The following FAT4 variants were observed in gnomAD, a reference collection of about 807,000 sequenced individuals.
The protein encoded by FAT4 is protocadherin Fat 4.
In FAT4, 84 loss-of-function variants were observed where a neutral mutation model predicts 303.9. That is an observed-to-expected ratio of 0.28 (90% CI 0.23 to 0.33). The LOEUF (loss-of-function observed/expected upper bound fraction) is 0.33, where lower values mean the gene tolerates loss of function less well. FAT4 is among the 10% of genes least tolerant of loss of function. The probability of loss-of-function intolerance (pLI) is 1.00; values close to 1 mark genes in which losing one functional copy is unlikely to be tolerated. For synonymous variants in FAT4, 2,307 were observed against 2,298.8 expected (o/e 1.00, Z -0.10); for missense variants, 6,005 against 6,146.8 (o/e 0.98, Z 0.77).
rs746534343 is a variant in FAT4, at chr4:125,317,202, T to C, written c.791T>C (p.Val264Ala). ...HYQAGVPEDAVVGSSVLQVAA... is the reference protein window; with the variant it reads ...HYQAGVPEDAAVGSSVLQVAA... The stretch of plus-strand genomic sequence containing the variant: ...CAGGCGGGGGTGCCTGAGGACGCGG[T>C]TGTGGGTTCCAGCGTCCTCCAGGTG... Residue 264 changes from valine (V) to alanine (A), a missense_variant, in exon 2 of 18, where the codon GTT becomes GCT. Transcript: ENST00000394329. The surrounding 1 kb of genome is among the most constrained non-coding windows in gnomAD (Gnocchi z 7.0). 2 of 1,592,696 alleles carry C rather than the reference T, an allele frequency of 1.3e-6. No individual in the cohort carries two copies. The highest frequency in any genetic ancestry group is 1.7e-6 in the Non-Finnish European group (2 of 1,166,944).
At chr4:125,339,520 G>T (rs530020880) in intron 2 of FAT4, among the ~76,000 whole-genome samples, 1 of 152,200 alleles carries the variant, frequency 6.6e-6, no homozygotes, top group African/African-American at 2.4e-5. Context: ...TATGGTAATA[G>T]TTATTAAACA....
rs753343008 is a variant in FAT4 at position 125,490,579 on chromosome 4, G to C, written c.13763G>C (p.Arg4588Thr). The change falls in exon 18 of 18, where the codon AGG becomes ACG. Residue 4588 changes from arginine (R) to threonine (T), a missense_variant. Arg to Thr is a moderately conservative substitution (Grantham distance 71). Transcript: ENST00000394329. ...AACCCAAAACCAGATATCATTGAAA[G>C]GGAAAACCCCTACCTTATCTATGAT... ...EGNPKPDIIE[R>T]ENPYLIYDET... 1 of 1,614,112 alleles carries C rather than the reference G, an allele frequency of 6.2e-7. No homozygotes were observed. Among genetic ancestry groups the C allele is most frequent in the South Asian group, 1.1e-5 (1 of 91,072 alleles).
chr4:125,322,054 C>T (rs1730976984), intron 2 of FAT4, among the ~76,000 whole-genome samples: 2 of 152,172 alleles, frequency 1.3e-5, no homozygotes, highest in South Asian at 4.1e-4. Flanking sequence ...TGACAGTGTA[C>T]ACCAGGACAG....
At position 125,317,267 on chromosome 4, in the gene FAT4, C is replaced by G; in HGVS notation, c.856C>G (p.Arg286Gly). ...GGACGAGGGCACCAACGCGGACATC[C>G]GCTATCGCCTGCAGGACGAGGGGAC... ...DADEGTNADI[R>G]YRLQDEGTPF... is the part of the protein sequence containing the mutation. The change falls in exon 2 of 18, where the codon CGC becomes GGC. Residue 286 changes from arginine (R) to glycine (G), a missense_variant. Physicochemically the swap from Arg to Gly is moderately radical, Grantham distance 125. Coordinates refer to ENST00000394329, the MANE Select transcript of FAT4 (RefSeq NM_001291303.3). The surrounding 1 kb of genome is among the most constrained non-coding windows in gnomAD (Gnocchi z 7.0). The G allele has an allele frequency of 1.3e-6, 2 of 1,580,664 alleles. No homozygotes were observed. Among genetic ancestry groups the G allele is most frequent in the Middle Eastern group, 1.7e-4 (1 of 5,894 alleles).
intron 5 of FAT4, among the ~76,000 whole-genome samples, chr4:125,413,899 T>C (rs1257467876): frequency 6.6e-6 from 1 of 151,956 alleles, no homozygotes; most frequent in Non-Finnish European, 1.5e-5. Flanking sequence ...GTAATTCAGG[T>C]TAGTCAGTAG....
chr4:125,317,798 A>AT lies in FAT4; in HGVS notation c.1392dup (p.Val465CysfsTer2). 6.2e-7 allele frequency: 1 copy of AT among 1,614,158 alleles called. No individual in the cohort carries two copies. Among genetic ancestry groups the AT allele is most frequent in the Non-Finnish European group, 8.5e-7 (1 of 1,180,026 alleles). ...GCGCTCTTCTGTGGCAAGCCTGGTG[A>AT]TTTTTGTTAATGACATCAATGACCA... On this transcript the variant is annotated frameshift_variant, in exon 2 of 18. Transcript: ENST00000394329. LOFTEE classifies it high-confidence loss of function. The surrounding 1 kb of genome is among the most constrained non-coding windows in gnomAD (Gnocchi z 7.0).
At chr4:125,428,168 C>T (rs1478933617) in intron 7 of FAT4, among the ~76,000 whole-genome samples, 2 of 151,892 alleles carry the variant, frequency 1.3e-5, no homozygotes, top group African/African-American at 4.8e-5. Context: ...TATGGTGACA[C>T]ATGCCTGTAA....
chr4:125,460,665 T>C (rs1316405502), intron 10 of FAT4, among the ~76,000 whole-genome samples: 1 of 152,152 alleles, frequency 6.6e-6, no homozygotes, highest in Non-Finnish European at 1.5e-5. Context: ...TGTACCACAT[T>C]TTCTTTATCC....
intron 2 of FAT4, among the ~76,000 whole-genome samples, chr4:125,394,847 A>G (rs1734105480): frequency 6.6e-6 from 1 of 152,182 alleles, no homozygotes; most frequent in South Asian, 2.1e-4. Flanking sequence ...TCAACAGTGT[A>G]TTTTCCCAGG....
chr4:125,360,901 T>C (rs147013296), intron 2 of FAT4, among the ~76,000 whole-genome samples: 1 of 147,422 alleles, frequency 6.8e-6, no homozygotes, highest in East Asian at 2.0e-4. Flanking sequence ...TTATTAAATT[T>C]TTTATTTATT....
intron 12 of FAT4, among the ~76,000 whole-genome samples, chr4:125,470,503 T>G (rs1410847826): frequency 1.3e-5 from 2 of 152,230 alleles, no homozygotes; most frequent in Non-Finnish European, 2.9e-5. Context: ...ATCAATGACC[T>G]TAGCTAGATC....
intron 2 of FAT4, among the ~76,000 whole-genome samples, chr4:125,348,623 A>C (rs1264240235): frequency 1.3e-5 from 2 of 151,720 alleles, no homozygotes; most frequent in Non-Finnish European, 3.0e-5. Flanking sequence ...GAATACACAA[A>C]TTAATAATCC....
At chr4:125,321,675 T>G (rs923203916) in intron 2 of FAT4, 89 bp downstream of exon 2, 1 of 1,269,870 alleles carries the variant, frequency 7.9e-7, no homozygotes, top group Non-Finnish European at 1.1e-6. Context: ...TTGTTTACCT[T>G]CATTGTTTAT....
intron 2 of FAT4, among the ~76,000 whole-genome samples, chr4:125,331,809 G>A (rs777482959): frequency 2.0e-5 from 3 of 152,026 alleles, no homozygotes; most frequent in Non-Finnish European, 4.4e-5. Flanking sequence ...TACCATCCTT[G>A]TTCAACATTT....
At chr4:125,381,665 T>C (rs950866470) in intron 2 of FAT4, among the ~76,000 whole-genome samples, 1 of 152,150 alleles carries the variant, frequency 6.6e-6, no homozygotes, top group African/African-American at 2.4e-5. Context: ...TTGCTGAAGG[T>C]TGTGGTGGCT....
chr4:125,446,451 G>T lies in FAT4; in HGVS notation c.7358G>T (p.Ser2453Ile), dbSNP rs72914988. ...GSPEPLSSST[S>I]VLVTVTDVND... ...CCAGAGCCTCTTTCCAGTTCCACCA[G>T]TGTGCTTGTCACTGTGACTGATGTC... Residue 2453 changes from serine (S) to isoleucine (I), a missense_variant, in exon 9 of 18, where the codon AGT becomes ATT. By Grantham distance (142) the Ser-to-Ile change is moderately radical. Coordinates refer to ENST00000394329, the MANE Select transcript of FAT4 (RefSeq NM_001291303.3). 1.3e-3 allele frequency: 2,077 copies of T among 1,613,542 alleles called. 11 individuals are homozygous for T. The highest frequency in any genetic ancestry group is 6.3e-3 in the African/African-American group (473 of 74,988).
chr4:125,318,233 A>G lies in FAT4; in HGVS notation c.1822A>G (p.Thr608Ala). ...TGTELLMLRA[T>A]DGDLGDNGTV... Reference sequence around the variant, plus strand: ...GACAGAACTGTTGATGCTCAGGGCAACTGACGGGGACCTGGGTGACAACGG... The same window carrying G: ...GACAGAACTGTTGATGCTCAGGGCAGCTGACGGGGACCTGGGTGACAACGG... Residue 608 changes from threonine to alanine, a missense_variant, in exon 2 of 18, where the codon ACT becomes GCT. By Grantham distance (58) the Thr-to-Ala change is moderately conservative (BLOSUM62 0). Coordinates refer to ENST00000394329, the MANE Select transcript of FAT4 (RefSeq NM_001291303.3). 1 of 1,614,216 alleles carries G rather than the reference A, an allele frequency of 6.2e-7. No homozygotes were observed. Among genetic ancestry groups the G allele is most frequent in the African/African-American group, 1.3e-5 (1 of 75,066 alleles).
At position 125,477,272 on chromosome 4, in the gene FAT4, T is replaced by C; in HGVS notation, c.12417T>C (p.Phe4139=). Residue 4139 remains phenylalanine (F), a synonymous_variant, in exon 14 of 18, where the codon TTT becomes TTC. Coordinates refer to ENST00000394329, the MANE Select transcript of FAT4 (RefSeq NM_001291303.3). ...SHDFVGCIME[F]AVNGRPLEPS... ...ATTTTGTTGGGTGTATAATGGAGTT[T>C]GCAGTCAATGGAAGGCCTCTGGAAC... 6.3e-7 allele frequency: 1 copy of C among 1,584,612 alleles called. No individual in the cohort carries two copies.
rs764436973 is a variant in FAT4, at chr4:125,321,265, C to T, written c.4854C>T (p.Thr1618=). 5 of 1,613,878 alleles carry T rather than the reference C, an allele frequency of 3.1e-6. No individual in the cohort carries two copies. In the African/African-American group the frequency reaches 6.7e-5, roughly 22 times the overall value. The stretch of plus-strand genomic sequence containing the variant: ...GGAGGAAATCGACCACTGAATTGAC[C>T]ATCATTCTTCAGGGCCTTGATGGAC... ...PERRKSTTEL[T]IILQGLDGPV... Residue 1618 remains threonine (T), a synonymous_variant, in exon 2 of 18, where the codon ACC becomes ACT. Transcript: ENST00000394329.
Sources: gnomAD v4.1 joint callset for allele counts (sites outside exome capture counted in the v4.1 genomes callset) on GRCh38, gnomAD v4.1.1 for gene constraint, Gnocchi (gnomAD v3.1) non-coding constraint, MANE v1.5 for transcripts, NCBI Gene and HGNC (gene_info 2026-07-23, HGNC 2026-07-21) for gene names.